The following REDIC1 variants were observed in gnomAD, a reference collection of about 807,000 sequenced individuals.
REDIC1 encodes the protein HEI10 Interacting Protein 1.
chr12:39,655,556 A>G, the REDIC1 span, among the ~76,000 whole-genome samples: 3 of 152,040 alleles, frequency 2.0e-5, no homozygotes, highest in South Asian at 4.1e-4. Context: ...GCTCATTATG[A>G]CTATTTGTTT....
the REDIC1 span, chr12:39,835,550 C>T: frequency 6.6e-6 from 1 of 152,116 alleles, no homozygotes; most frequent in Admixed American, 6.6e-5. Flanking sequence ...TATTGATACA[C>T]AGTTTAAATT....
chr12:39,865,985 T>C, the REDIC1 span, among the ~76,000 whole-genome samples: 2 of 152,342 alleles, frequency 1.3e-5, no homozygotes, highest in Non-Finnish European at 2.9e-5. Flanking sequence ...AGATATGTGT[T>C]AACTTATATA....
the REDIC1 span, among the ~76,000 whole-genome samples, chr12:39,643,539 C>CT: frequency 6.6e-6 from 1 of 151,482 alleles, no homozygotes; most frequent in East Asian, 1.9e-4. Flanking sequence ...CAGAGAATAG[C>CT]TTTATAGCAT....
the REDIC1 span, among the ~76,000 whole-genome samples, chr12:39,707,678 A>C: frequency 2.0e-5 from 3 of 151,868 alleles, no homozygotes; most frequent in Non-Finnish European, 2.9e-5. Flanking sequence ...TCTATACATA[A>C]TCTAATAATG....
the REDIC1 span, among the ~76,000 whole-genome samples, chr12:39,681,749 A>G: frequency 1.3e-5 from 2 of 152,170 alleles, no homozygotes; most frequent in Non-Finnish European, 2.9e-5. Flanking sequence ...TTATCTCTCT[A>G]TTGCCAATAT....
the REDIC1 span, among the ~76,000 whole-genome samples, chr12:39,724,120 T>C: frequency 6.6e-6 from 1 of 152,136 alleles, no homozygotes; most frequent in Admixed American, 6.6e-5. Flanking sequence ...AGAGTGTTAA[T>C]GCTGTTTGAG....
At chr12:39,783,804 A>G in the REDIC1 span, among the ~76,000 whole-genome samples, 1 of 152,208 alleles carries the variant, frequency 6.6e-6, no homozygotes, top group Admixed American at 6.5e-5. Flanking sequence ...TGCAGATGAC[A>G]TGACTGTATA....
the REDIC1 span, among the ~76,000 whole-genome samples, chr12:39,700,384 G>GA: frequency 1.3e-5 from 2 of 152,090 alleles, no homozygotes; most frequent in South Asian, 2.1e-4. Context: ...GAAGTTTAGA[G>GA]AAAAAAGAAT....
At chr12:39,830,524 T>C in the REDIC1 span, 14 of 1,076,018 alleles carry the variant, frequency 1.3e-5, no homozygotes, top group Non-Finnish European at 1.6e-5. Context: ...AAATAAACTT[T>C]TGCTTTCCTA....
the REDIC1 span, among the ~76,000 whole-genome samples, chr12:39,888,753 G>A: frequency 1.3e-5 from 2 of 152,058 alleles, no homozygotes; most frequent in African/African-American, 4.8e-5. Context: ...TGAATATAGT[G>A]TTTTCCTCTA....
chr12:39,729,727 T>A, the REDIC1 span, among the ~76,000 whole-genome samples: 1 of 152,184 alleles, frequency 6.6e-6, no homozygotes, highest in Non-Finnish European at 1.5e-5. Flanking sequence ...TAATTTTCTG[T>A]CTTGTTGATC....
the REDIC1 span, among the ~76,000 whole-genome samples, chr12:39,782,877 A>G: frequency 6.6e-6 from 1 of 152,098 alleles, no homozygotes; most frequent in South Asian, 2.1e-4. Context: ...TTTTATTATT[A>G]TTATTTTTTA....
chr12:39,833,789 T>C, the REDIC1 span, among the ~76,000 whole-genome samples: 1 of 151,772 alleles, frequency 6.6e-6, no homozygotes, highest in Non-Finnish European at 1.5e-5. Context: ...TCTTAGAAGA[T>C]GGCCTTGTCT....
the REDIC1 span, among the ~76,000 whole-genome samples, chr12:39,905,012 G>C: frequency 6.6e-6 from 1 of 152,072 alleles, no homozygotes; most frequent in Non-Finnish European, 1.5e-5. Context: ...AGTTGCTAGA[G>C]CTAAAACTAG....
At chr12:39,640,982 A>T in the REDIC1 span, 1 of 1,610,300 alleles carries the variant, frequency 6.2e-7, no homozygotes, top group African/African-American at 1.3e-5. Flanking sequence ...AGCAGGAAAG[A>T]AGAAAGCAAA....
chr12:39,660,799 G>A, the REDIC1 span, among the ~76,000 whole-genome samples: 1 of 151,800 alleles, frequency 6.6e-6, no homozygotes, highest in African/African-American at 2.4e-5. Context: ...TCCCTTCACA[G>A]CCCCTCCCTT....
the REDIC1 span, among the ~76,000 whole-genome samples, chr12:39,712,552 C>CATATGTGTATATACGTATATACGT: frequency 8.6e-5 from 12 of 139,210 alleles, no homozygotes; most frequent in East Asian, 4.3e-4. Context: ...ATATACACGA[C>CATATGTGTATATACGTATATACGT]ATATGTGTAT....
chr12:39,852,330 T>G, the REDIC1 span, among the ~76,000 whole-genome samples: 1 of 152,192 alleles, frequency 6.6e-6, no homozygotes, highest in Admixed American at 6.5e-5. Flanking sequence ...CCACACAAAT[T>G]ATGACTGTAA....
chr12:39,774,721 A>G, the REDIC1 span, among the ~76,000 whole-genome samples: 1 of 152,036 alleles, frequency 6.6e-6, no homozygotes, highest in African/African-American at 2.4e-5. Context: ...AATCATAGAT[A>G]TGGGTAAATT....
Sources: allele counts gnomAD v4.1 joint callset (sites outside exome capture counted in the v4.1 genomes callset), GRCh38; gene constraint gnomAD v4.1.1; transcripts MANE v1.5; gene names NCBI Gene and HGNC (gene_info 2026-07-23, HGNC 2026-07-21).